Variants in GLI3 observed in about 807,000 individuals in gnomAD.
The protein encoded by GLI3 is transcription activator GLI3.
A neutral mutation model predicts 100.8 loss-of-function variants in GLI3; 20 were observed. The observed-to-expected ratio is 0.20, with a 90% CI of 0.14 to 0.29. The LOEUF is 0.29. Among genes scored for constraint, GLI3 ranks in the 10% least tolerant of loss-of-function variants. The pLI, the probability that GLI3 is intolerant of heterozygous loss-of-function variation, is 1.00. For missense variants in GLI3, 2,040 were observed against 2,128.5 expected, an observed-to-expected ratio of 0.96 and a Z score of 0.82; for synonymous variants, 938 against 860.5, an observed-to-expected ratio of 1.09 and a Z score of -1.58.
chr7:41,972,441 G>C lies in GLI3; in HGVS notation c.1999C>G (p.Arg667Gly). The stretch of plus-strand genomic sequence containing the variant: ...TCACCAAGGGCTCCCTGAGTCGGTC[G>C]GCCAGGCGACCTGGACTGTGAATGG... Reference protein sequence around the residue: ...GSHSQSRSPGRPTQGALGEQQ... With the variant: ...GSHSQSRSPGGPTQGALGEQQ... Residue 667 changes from arginine to glycine, a missense_variant, in exon 13 of 15, where the codon CGA becomes GGA. Arg to Gly is a moderately radical substitution (Grantham distance 125). This residue lies in a region of GLI3 where 327 missense variants were observed against 338.7 expected (regional missense o/e 0.97). Transcript: ENST00000395925. This position sits in a 1 kb window ranked among gnomAD's most constrained non-coding sequence, Gnocchi z 4.4. 6.2e-7 allele frequency: 1 copy of C among 1,613,862 alleles called. No individual in the cohort carries two copies. Among genetic ancestry groups the C allele is most frequent in the Non-Finnish European group, 8.5e-7 (1 of 1,179,994 alleles).
intron 2 of GLI3, among the ~76,000 whole-genome samples, chr7:42,161,421 G>A (rs1180030917): frequency 1.3e-5 from 2 of 152,080 alleles, no homozygotes; most frequent in African/African-American, 4.8e-5. Context: ...TTTACTAGCT[G>A]GTCTTTTGCA....
At chr7:42,190,319 C>A (rs987724821) in intron 2 of GLI3, among the ~76,000 whole-genome samples, 1 of 152,058 alleles carries the variant, frequency 6.6e-6, no homozygotes, top group African/African-American at 2.4e-5. Flanking sequence ...TAAAACACCA[C>A]GGGCAAATCC....
At chr7:42,009,686 G>T (rs925359090) in intron 10 of GLI3, among the ~76,000 whole-genome samples, 1 of 152,078 alleles carries the variant, frequency 6.6e-6, no homozygotes, top group African/African-American at 2.4e-5. Context: ...CAGGAGAACG[G>T]GTCTCATCGG....
intron 3 of GLI3, among the ~76,000 whole-genome samples, chr7:42,140,593 C>CTA (rs1049187234): frequency 6.6e-6 from 1 of 152,138 alleles, no homozygotes; most frequent in Non-Finnish European, 1.5e-5. Flanking sequence ...AGAATCCAAA[C>CTA]TATATCAGAA....
intron 1 of GLI3, among the ~76,000 whole-genome samples, chr7:42,262,710 T>C (rs1164265154): frequency 6.6e-6 from 1 of 152,250 alleles, no homozygotes; most frequent in East Asian, 1.9e-4. Context: ...ACTCACACTT[T>C]GGAAATGGTC....
intron 7 of GLI3, among the ~76,000 whole-genome samples, chr7:42,039,094 T>A (rs1440467054): frequency 6.6e-6 from 1 of 152,154 alleles, no homozygotes; most frequent in African/African-American, 2.4e-5. Context: ...TGGCAAAAAA[T>A]TTAGGGGAAA....
chr7:42,078,154 C>G (rs569211706), intron 3 of GLI3, among the ~76,000 whole-genome samples: 1 of 152,192 alleles, frequency 6.6e-6, no homozygotes, highest in Admixed American at 6.5e-5. Flanking sequence ...CTGCATCCCC[C>G]GAGGTCGGCA....
intron 2 of GLI3, chr7:42,172,581 C>T (rs2286293): frequency 0.11 from 75,956 of 702,942 alleles, 4,481 homozygotes; most frequent in Admixed American, 0.16. Context: ...GGTAGCCCAT[C>T]CAAGAGGATC....
chr7:42,080,427 A>T (rs1450665612), intron 3 of GLI3, among the ~76,000 whole-genome samples: 1 of 152,226 alleles, frequency 6.6e-6, no homozygotes, highest in Non-Finnish European at 1.5e-5. Context: ...ATATGATCTG[A>T]TTTGACCAAA....
intron 3 of GLI3, among the ~76,000 whole-genome samples, chr7:42,140,990 A>C (rs1411958466): frequency 6.6e-6 from 1 of 152,174 alleles, no homozygotes; most frequent in Non-Finnish European, 1.5e-5. Context: ...GCAACTACTA[A>C]AAAAGTGCCA....
chr7:42,200,014 C>T (rs1788007024), intron 2 of GLI3, among the ~76,000 whole-genome samples: 1 of 152,184 alleles, frequency 6.6e-6, no homozygotes, highest in Non-Finnish European at 1.5e-5. Context: ...TGAGATCATG[C>T]CACTGCATTC....
At chr7:41,981,677 G>C (rs550528553) in intron 10 of GLI3, among the ~76,000 whole-genome samples, 54 of 152,328 alleles carry the variant, frequency 3.5e-4, no homozygotes, top group African/African-American at 1.3e-3. Flanking sequence ...CCTGTGCCTC[G>C]CTGCTGACAG....
At chr7:42,176,714 A>G (rs1048509281) in intron 2 of GLI3, among the ~76,000 whole-genome samples, 22 of 152,290 alleles carry the variant, frequency 1.4e-4, no homozygotes, top group African/African-American at 5.3e-4. Flanking sequence ...CTGAATCTTC[A>G]CCTAGTTTTG....
At chr7:42,036,913 G>A (rs957805974) in intron 7 of GLI3, among the ~76,000 whole-genome samples, 4 of 152,220 alleles carry the variant, frequency 2.6e-5, no homozygotes, top group East Asian at 1.9e-4. Flanking sequence ...ATGCCAAGGC[G>A]GGTGGGTTGC....
chr7:42,102,196 T>G (rs1391023208), intron 3 of GLI3, among the ~76,000 whole-genome samples: 1 of 152,184 alleles, frequency 6.6e-6, no homozygotes, highest in Non-Finnish European at 1.5e-5. Flanking sequence ...TTTGGGTATA[T>G]ACCCAGTAAT....
intron 1 of GLI3, among the ~76,000 whole-genome samples, chr7:42,258,344 A>AT (rs1789106939): frequency 6.6e-6 from 1 of 152,120 alleles, no homozygotes; most frequent in Non-Finnish European, 1.5e-5. Context: ...ATCAAGTAGG[A>AT]TTTTGTCTTT....
chr7:42,158,454 C>T (rs577142144), intron 2 of GLI3, among the ~76,000 whole-genome samples: 83 of 151,996 alleles, frequency 5.5e-4, no homozygotes, highest in African/African-American at 1.5e-3. Flanking sequence ...TGAGAGCATT[C>T]ATTTGCTTGC....
intron 7 of GLI3, among the ~76,000 whole-genome samples, chr7:42,035,757 C>T (rs1483199632): frequency 6.6e-6 from 1 of 152,034 alleles, no homozygotes; most frequent in Non-Finnish European, 1.5e-5. Flanking sequence ...AGGGTTTTAG[C>T]AAAGGTACAC....
intron 10 of GLI3, among the ~76,000 whole-genome samples, chr7:42,020,877 G>A (rs1385749236): frequency 7.2e-6 from 1 of 138,304 alleles, no homozygotes; most frequent in African/African-American, 2.8e-5. Context: ...GCGACAGAGC[G>A]AGACTCCGTC....
Sources: gnomAD v4.1 joint callset for allele counts (sites outside exome capture counted in the v4.1 genomes callset) on GRCh38, gnomAD v4.1.1 for gene constraint, gnomAD v4.1.1 regional missense constraint, Gnocchi (gnomAD v3.1) non-coding constraint, MANE v1.5 for transcripts, NCBI Gene and HGNC (gene_info 2026-07-23, HGNC 2026-07-21) for gene names.